The following FIGN variants were observed in gnomAD, a reference collection of about 807,000 sequenced individuals.
FIGN encodes the protein fidgetin.
A neutral mutation model predicts 51.3 loss-of-function variants in FIGN; 11 were observed. That is an observed-to-expected ratio of 0.21 (90% CI 0.13 to 0.35). The LOEUF (loss-of-function observed/expected upper bound fraction) is 0.35, where lower values mean the gene tolerates loss of function less well. FIGN is among the 10% of genes least tolerant of loss of function. The pLI, the probability that FIGN is intolerant of heterozygous loss-of-function variation, is 1.00. For missense variants in FIGN, 857 were observed against 943.6 expected, an observed-to-expected ratio of 0.91 and a Z score of 1.20; for synonymous variants, 407 against 363.2, an observed-to-expected ratio of 1.12 and a Z score of -1.37.
intron 2 of FIGN, among the ~76,000 whole-genome samples, chr2:163,632,765 A>G (rs748845026): frequency 2.0e-5 from 3 of 152,218 alleles, no homozygotes; most frequent in Non-Finnish European, 2.9e-5. Context: ...AATAATGAGA[A>G]GTTACAGGCG....
intron 2 of FIGN, among the ~76,000 whole-genome samples, chr2:163,654,882 A>G (rs1683535374): frequency 6.6e-6 from 1 of 152,110 alleles, no homozygotes; most frequent in Admixed American, 6.5e-5. Flanking sequence ...TAAATGTGAA[A>G]AAAGAGCAAA....
At chr2:163,692,776 C>T (rs1199914180) in intron 2 of FIGN, among the ~76,000 whole-genome samples, 1 of 152,012 alleles carries the variant, frequency 6.6e-6, no homozygotes, top group African/African-American at 2.4e-5. Flanking sequence ...AGCAAGGTGA[C>T]TCAGCCTAGT....
At chr2:163,727,183 C>T (rs1696678907) in intron 2 of FIGN, among the ~76,000 whole-genome samples, 1 of 151,952 alleles carries the variant, frequency 6.6e-6, no homozygotes, top group South Asian at 2.1e-4. Context: ...CACTTATTTA[C>T]CCAGATTCCT....
At chr2:163,726,001 T>C (rs1333034410) in intron 2 of FIGN, among the ~76,000 whole-genome samples, 3 of 152,116 alleles carry the variant, frequency 2.0e-5, no homozygotes, top group Non-Finnish European at 2.9e-5. Flanking sequence ...TAAATTGATA[T>C]CGATGATTGG....
chr2:163,730,740 A>C (rs180981941), intron 2 of FIGN, among the ~76,000 whole-genome samples: 1 of 152,174 alleles, frequency 6.6e-6, no homozygotes, highest in Non-Finnish European at 1.5e-5. Flanking sequence ...CTCAAGAAAA[A>C]CAGCAGATAT....
At chr2:163,675,020 A>G (rs150121981) in intron 2 of FIGN, among the ~76,000 whole-genome samples, 282 of 152,342 alleles carry the variant, frequency 1.9e-3, no homozygotes, top group African/African-American at 6.2e-3. Context: ...ACCTGTTCAC[A>G]TTTAAGTCTT....
intron 2 of FIGN, among the ~76,000 whole-genome samples, chr2:163,677,211 G>T (rs1011005523): frequency 6.6e-6 from 1 of 152,186 alleles, no homozygotes; most frequent in African/African-American, 2.4e-5. Context: ...GGAAATAAAA[G>T]GTGTAAAATA....
At chr2:163,710,640 A>C (rs991298572) in intron 2 of FIGN, among the ~76,000 whole-genome samples, 9 of 152,216 alleles carry the variant, frequency 5.9e-5, no homozygotes, top group African/African-American at 2.2e-4. Flanking sequence ...ACTATGACAT[A>C]ATAGTGCTAG....
intron 2 of FIGN, among the ~76,000 whole-genome samples, chr2:163,679,807 T>G (rs1373810288): frequency 1.3e-5 from 2 of 152,218 alleles, no homozygotes. Context: ...CTGTTTCAGT[T>G]TCTACATCTA....
intron 2 of FIGN, among the ~76,000 whole-genome samples, chr2:163,643,958 A>AAAAAAAAAAAAAT (rs1270596923): frequency 6.8e-6 from 1 of 146,856 alleles, no homozygotes; most frequent in South Asian, 2.1e-4. Flanking sequence ...AAAAAAAAAA[A>AAAAAAAAAAAAAT]GTCAGAATGG....
intron 2 of FIGN, among the ~76,000 whole-genome samples, chr2:163,725,493 C>T (rs946266817): frequency 6.6e-6 from 1 of 151,960 alleles, no homozygotes; most frequent in African/African-American, 2.4e-5. Context: ...CATATATCAG[C>T]AACACCTCCC....
At chr2:163,642,604 A>C (rs1013413433) in intron 2 of FIGN, among the ~76,000 whole-genome samples, 2 of 152,152 alleles carry the variant, frequency 1.3e-5, no homozygotes, top group Non-Finnish European at 2.9e-5. Context: ...AGTATCTAAT[A>C]ATGTATGGCA....
At chr2:163,617,957 T>C (rs1251489891) in intron 2 of FIGN, among the ~76,000 whole-genome samples, 1 of 152,154 alleles carries the variant, frequency 6.6e-6, no homozygotes, top group African/African-American at 2.4e-5. Flanking sequence ...CAACACTGGC[T>C]AGACAGAAAA....
At chr2:163,646,820 T>G (rs1285878540) in intron 2 of FIGN, among the ~76,000 whole-genome samples, 1 of 152,172 alleles carries the variant, frequency 6.6e-6, no homozygotes, top group Non-Finnish European at 1.5e-5. Flanking sequence ...TTGAGAGCAC[T>G]CAGATAAGAA....
At chr2:163,656,386 G>C (rs952982262) in intron 2 of FIGN, among the ~76,000 whole-genome samples, 10 of 152,132 alleles carry the variant, frequency 6.6e-5, no homozygotes, top group Non-Finnish European at 1.3e-4. Context: ...TAACGAAACA[G>C]TGAGAAAAAT....
At chr2:163,684,846 C>G (rs1192350280) in intron 2 of FIGN, among the ~76,000 whole-genome samples, 1 of 152,066 alleles carries the variant, frequency 6.6e-6, no homozygotes, top group Non-Finnish European at 1.5e-5. Context: ...GTGATCTCGG[C>G]TCACTGCAAC....
At chr2:163,641,689 AATGGCAGCAAATGCCATGGCAAATGCC>A (rs1396783586) in intron 2 of FIGN, among the ~76,000 whole-genome samples, 32 of 152,378 alleles carry the variant, frequency 2.1e-4, no homozygotes, top group African/African-American at 6.7e-4. Flanking sequence ...ATGAGATTGC[AATGGCAGCAAATGCCATGGCAAATGCC>A]ATGGCAGCAA....
chr2:163,704,656 T>TCTCTCTCACA (rs72286438), intron 2 of FIGN, among the ~76,000 whole-genome samples: 3 of 129,710 alleles, frequency 2.3e-5, no homozygotes, highest in Admixed American at 7.8e-5. Flanking sequence ...TCTCTCTCTC[T>TCTCTCTCACA]CACACACACA....
intron 2 of FIGN, among the ~76,000 whole-genome samples, chr2:163,614,575 T>C (rs979027254): frequency 6.6e-6 from 1 of 151,912 alleles, no homozygotes; most frequent in Non-Finnish European, 1.5e-5. Context: ...ATGCTGTGAG[T>C]ATAAATGTGA....
Sources: allele counts gnomAD v4.1 joint callset (sites outside exome capture counted in the v4.1 genomes callset), GRCh38; gene constraint gnomAD v4.1.1; transcripts MANE v1.5; gene names NCBI Gene and HGNC (gene_info 2026-07-23, HGNC 2026-07-21).